CEP135: variants seen among roughly 807,000 people sequenced by gnomAD.
CEP135 encodes centrosomal protein of 135 kDa.
CEP135 carries 142 observed loss-of-function variants against 157.3 expected under a neutral mutation model. The observed-to-expected ratio is 0.90, with a 90% CI of 0.79 to 1.04. The LOEUF is 1.04. CEP135 is among the 50% of genes least tolerant of loss of function. The pLI, the probability that CEP135 is intolerant of heterozygous loss-of-function variation, is 0.00. For missense variants in CEP135, 1,317 were observed against 1,309.2 expected, an observed-to-expected ratio of 1.01 and a Z score of -0.09; for synonymous variants, 396 against 439.8, an observed-to-expected ratio of 0.90 and a Z score of 1.25.
At position 55,981,106 on chromosome 4, in the gene CEP135, A is replaced by G. The variant is rs1729389555; in HGVS notation, c.1627-121A>G. On this transcript the variant is annotated intron_variant, in intron 12 of 25. Coordinates refer to ENST00000257287, the MANE Select transcript of CEP135 (RefSeq NM_025009.5). ...TTTTAATCTTTTGTTGGGATTTGCG[A>G]AGAGAGTGACGGTAGCATGTGTTCA... The G allele has an allele frequency of 3.5e-6, 3 of 846,196 alleles. No homozygotes were observed. In the Admixed American group the frequency reaches 1.1e-4, roughly 31 times the overall value. The allele number at this position is 846,196 out of a possible 1,614,324, so 52.4% of individuals were successfully genotyped here.
rs368894168 is a variant in CEP135, at chr4:55,974,927, T to C, written c.1431T>C (p.Tyr477=). 1.2e-6 allele frequency: 2 copies of C among 1,609,650 alleles called. No individual in the cohort carries two copies. Residue 477 remains tyrosine, a synonymous_variant, in exon 11 of 26, where the codon TAT becomes TAC. Transcript: ENST00000257287. ...IIQRRSCSTS[Y]SAREKSSIFR... ...AGCGAAGATCTTGCTCTACAAGTTA[T>C]AGCGCACGTGAAAAAAGTTCAATAT...
chr4:55,969,827 A>G (rs1403923449), intron 9 of CEP135, among the ~76,000 whole-genome samples: 1 of 152,166 alleles, frequency 6.6e-6, no homozygotes, highest in East Asian at 1.9e-4. Context: ...TTAACTTGAA[A>G]TATTTGTTGA....
At chr4:56,005,069 G>A (rs183206362) in intron 17 of CEP135, among the ~76,000 whole-genome samples, 5 of 151,702 alleles carry the variant, frequency 3.3e-5, no homozygotes, top group African/African-American at 1.2e-4. Flanking sequence ...TTTACACTGT[G>A]GTTACCATGA....
At chr4:55,983,143 T>A (rs1404719186) in intron 13 of CEP135, among the ~76,000 whole-genome samples, 4 of 152,220 alleles carry the variant, frequency 2.6e-5, no homozygotes, top group Admixed American at 6.5e-5. Flanking sequence ...TGTTTTCTTA[T>A]AAAAATAAGT....
chr4:56,030,484 G>A (rs184249221), intron 25 of CEP135, among the ~76,000 whole-genome samples: 65 of 152,206 alleles, frequency 4.3e-4, no homozygotes, highest in African/African-American at 1.1e-3. Flanking sequence ...TCGCGGTCTC[G>A]CTCTGTTGCC....
At chr4:56,025,859 T>G (rs1463726345) in intron 25 of CEP135, among the ~76,000 whole-genome samples, 1 of 151,760 alleles carries the variant, frequency 6.6e-6, no homozygotes, top group Non-Finnish European at 1.5e-5. Context: ...GTTCAATGAA[T>G]TTTTTCAATG....
rs1730827757 is a variant in CEP135, at chr4:56,017,786, T to C, written c.2941T>C (p.Cys981Arg). The change falls in exon 22 of 26, where the codon TGC (cysteine) becomes CGC (arginine). Residue 981 changes from cysteine to arginine, a missense_variant. Transcript: ENST00000257287. Reference protein sequence around the residue: ...LNDLSSLRELCIKLDSGKDIM... With the variant: ...LNDLSSLRELRIKLDSGKDIM... The stretch of plus-strand genomic sequence containing the variant: ...TGACTTGTCATCTCTTAGAGAACTT[T>C]GCATTAAACTTGATTCAGGCAAAGA... 6.2e-7 allele frequency: 1 copy of C among 1,613,896 alleles called. No homozygotes were observed. The highest frequency in any genetic ancestry group is 1.1e-5 in the South Asian group (1 of 91,068).
intron 17 of CEP135, among the ~76,000 whole-genome samples, chr4:56,000,804 T>A (rs572821271): frequency 6.6e-6 from 1 of 152,166 alleles, no homozygotes; most frequent in Non-Finnish European, 1.5e-5. Context: ...AGTTATAGTT[T>A]TAGTTTTTTG....
At chr4:55,978,951 T>A (rs1196041778) in intron 11 of CEP135, among the ~76,000 whole-genome samples, 1 of 152,256 alleles carries the variant, frequency 6.6e-6, no homozygotes, top group African/African-American at 2.4e-5. Flanking sequence ...ATAAAATATC[T>A]TGTCCTTTAA....
intron 15 of CEP135, among the ~76,000 whole-genome samples, chr4:55,998,486 T>G (rs892834351): frequency 1.3e-5 from 2 of 152,208 alleles, no homozygotes; most frequent in African/African-American, 4.8e-5. Flanking sequence ...GTCTTCAATC[T>G]GCAGGAAATG....
intron 4 of CEP135, among the ~76,000 whole-genome samples, chr4:55,956,935 CA>C (rs1022059641): frequency 6.6e-6 from 1 of 152,046 alleles, no homozygotes; most frequent in Non-Finnish European, 1.5e-5. Flanking sequence ...TTAAACTTGC[CA>C]AAGTCTTATC....
chr4:56,000,981 A>T (rs1484843891), intron 17 of CEP135, among the ~76,000 whole-genome samples: 1 of 152,014 alleles, frequency 6.6e-6, no homozygotes, highest in Non-Finnish European at 1.5e-5. Flanking sequence ...TTGTGGTTTT[A>T]ATTTGCATTT....
chr4:56,020,925 A>G, intron 24 of CEP135, 145 bp downstream of exon 24: 1 of 572,522 alleles, frequency 1.7e-6, no homozygotes, highest in East Asian at 3.1e-5. Context: ...CTTCCTTTTA[A>G]AAAAGGCAAC....
intron 17 of CEP135, among the ~76,000 whole-genome samples, chr4:56,002,032 G>C (rs1446826166): frequency 2.0e-5 from 3 of 151,880 alleles, no homozygotes; most frequent in African/African-American, 7.3e-5. Flanking sequence ...TTGTTTTGTT[G>C]ATTTATTTTT....
At chr4:55,990,981 T>TA (rs1272697682) in intron 14 of CEP135, among the ~76,000 whole-genome samples, 2 of 123,654 alleles carry the variant, frequency 1.6e-5, no homozygotes, top group African/African-American at 7.5e-5. Context: ...TTATAATAAC[T>TA]TTTTTTTTTT....
chr4:55,969,419 C>G (rs1420488341), intron 9 of CEP135, among the ~76,000 whole-genome samples: 2 of 132,650 alleles, frequency 1.5e-5, no homozygotes, highest in Admixed American at 1.6e-4. Flanking sequence ...AAGAGCGAAA[C>G]TCCATCTTTA....
At chr4:55,974,511 A>G (rs1406359723) in intron 10 of CEP135, among the ~76,000 whole-genome samples, 2 of 152,176 alleles carry the variant, frequency 1.3e-5, no homozygotes, top group Non-Finnish European at 2.9e-5. Context: ...CGATAAGACA[A>G]AAGCAGGGAG....
At chr4:56,010,211 A>C in intron 19 of CEP135, among the ~76,000 whole-genome samples, 1 of 141,524 alleles carries the variant, frequency 7.1e-6, no homozygotes, top group African/African-American at 2.5e-5. Context: ...AAAAATACAA[A>C]AATTAGCCAG....
chr4:56,016,607 A>G (rs1730783081), intron 21 of CEP135, among the ~76,000 whole-genome samples: 1 of 152,158 alleles, frequency 6.6e-6, no homozygotes, highest in African/African-American at 2.4e-5. Context: ...AAAAATCTAA[A>G]TACTTTTCTG....
Sources: allele counts gnomAD v4.1 joint callset (sites outside exome capture counted in the v4.1 genomes callset), GRCh38; gene constraint gnomAD v4.1.1; transcripts MANE v1.5; gene names NCBI Gene and HGNC (gene_info 2026-07-23, HGNC 2026-07-21).